BMPR1B: variants seen among roughly 807,000 people sequenced by gnomAD.
BMPR1B encodes the protein bone morphogenetic protein receptor type-1B.
BMPR1B carries 12 observed loss-of-function variants against 59.1 expected under a neutral mutation model. The ratio of observed to expected loss-of-function variants is 0.20; its 90% confidence interval spans 0.13 to 0.33. BMPR1B has a LOEUF of 0.33. BMPR1B is among the 10% of genes least tolerant of loss of function. The pLI, the probability that BMPR1B is intolerant of heterozygous loss-of-function variation, is 1.00. For synonymous variants in BMPR1B, 237 were observed against 207.3 expected (o/e 1.14, Z -1.23); for missense variants, 550 against 610.9 (o/e 0.90, Z 1.05).
At chr4:94,815,122 C>T (rs1723962023) in intron 1 of BMPR1B, among the ~76,000 whole-genome samples, 1 of 152,118 alleles carries the variant, frequency 6.6e-6, no homozygotes. Flanking sequence ...TCAGGCTGGT[C>T]TCAAACTCCT....
At chr4:94,827,208 G>C (rs1424774421) in intron 1 of BMPR1B, among the ~76,000 whole-genome samples, 1 of 152,042 alleles carries the variant, frequency 6.6e-6, no homozygotes, top group Non-Finnish European at 1.5e-5. Context: ...TGCAAGTTTA[G>C]AGTTTTAAGC....
chr4:94,814,699 T>A lies in BMPR1B; in HGVS notation c.-183+56631T>A, dbSNP rs1426212107. 2.0e-5 allele frequency among the ~76,000 whole-genome samples: 3 copies of A among 152,316 alleles called. No homozygotes were observed. The East Asian group carries it at 5.8e-4, about 29-fold the overall frequency. ...AGCTAATGCATAAATGTTGGTGTAT[T>A]TTTATCTGCCATTAAACGTTTGCTA... On this transcript the variant is annotated intron_variant, in intron 1 of 12. Coordinates refer to ENST00000515059, the MANE Select transcript of BMPR1B (RefSeq NM_001203.3).
chr4:94,901,451 C>G (rs80167433), intron 2 of BMPR1B, among the ~76,000 whole-genome samples: 2 of 151,748 alleles, frequency 1.3e-5, no homozygotes, highest in African/African-American at 4.8e-5. Context: ...TGAGAGGGCC[C>G]GAGAGACCGG....
At chr4:94,897,654 T>G (rs1194145005) in intron 2 of BMPR1B, among the ~76,000 whole-genome samples, 1 of 152,050 alleles carries the variant, frequency 6.6e-6, no homozygotes, top group Non-Finnish European at 1.5e-5. Flanking sequence ...ACATAAGGGT[T>G]TTTTTGTTTT....
chr4:95,095,016 T>C (rs944446069), intron 3 of BMPR1B, among the ~76,000 whole-genome samples: 9 of 151,892 alleles, frequency 5.9e-5, no homozygotes, highest in Non-Finnish European at 1.0e-4. Flanking sequence ...TCCCAACTTT[T>C]TATTAATTAT....
intron 2 of BMPR1B, among the ~76,000 whole-genome samples, chr4:94,981,004 C>CGCGCGTGT (rs6148577): frequency 1.5e-4 from 18 of 120,894 alleles, no homozygotes; most frequent in African/African-American, 4.1e-4. Flanking sequence ...CACACACACA[C>CGCGCGTGT]ACACACACAC....
chr4:94,832,168 G>T (rs747300580), intron 1 of BMPR1B, among the ~76,000 whole-genome samples: 1 of 152,060 alleles, frequency 6.6e-6, no homozygotes, highest in Non-Finnish European at 1.5e-5. Flanking sequence ...CATGAAACTG[G>T]TCCCTAGTGC....
intron 2 of BMPR1B, among the ~76,000 whole-genome samples, chr4:94,877,065 C>T (rs1726759016): frequency 6.6e-6 from 1 of 151,900 alleles, no homozygotes; most frequent in Non-Finnish European, 1.5e-5. Flanking sequence ...ATGTTTTTCC[C>T]CTGGCTAAGT....
Position 94,845,626 on chromosome 4 carries a change from G to T in BMPR1B, c.-182-30205G>T, listed in dbSNP as rs138542265. On this transcript the variant is annotated intron_variant, in intron 1 of 12. Coordinates refer to ENST00000515059, the MANE Select transcript of BMPR1B (RefSeq NM_001203.3). ...CAAAGTGCTGGGATTACAGGCGTGA[G>T]CCATCGTGCCTGGCCAACCAAGGAA... 5.9e-3 allele frequency among the ~76,000 whole-genome samples: 899 copies of T among 152,324 alleles called. 15 individuals are homozygous for T. The highest frequency in any genetic ancestry group is 0.056 in the South Asian group (268 of 4,824).
At chr4:95,029,545 T>C (rs1428829839) in intron 3 of BMPR1B, among the ~76,000 whole-genome samples, 2 of 152,188 alleles carry the variant, frequency 1.3e-5, no homozygotes, top group Non-Finnish European at 1.5e-5. Context: ...ATAGTCTTTG[T>C]GGAACTTTGA....
chr4:95,039,666 T>C (rs1398367387), intron 3 of BMPR1B, among the ~76,000 whole-genome samples: 1 of 152,220 alleles, frequency 6.6e-6, no homozygotes, highest in Non-Finnish European at 1.5e-5. Context: ...CACAACCTTG[T>C]TGTCCAGCCC....
chr4:94,788,228 C>A (rs1722834269), intron 1 of BMPR1B, among the ~76,000 whole-genome samples: 1 of 152,124 alleles, frequency 6.6e-6, no homozygotes. Flanking sequence ...GAAGCTGCGA[C>A]CACAATATAT....
At chr4:95,153,717 G>A (rs1049867126) in intron 12 of BMPR1B, among the ~76,000 whole-genome samples, 4 of 152,094 alleles carry the variant, frequency 2.6e-5, no homozygotes, top group African/African-American at 9.7e-5. Context: ...TAGTGTGTTG[G>A]TGCACACCTG....
At chr4:94,788,658 T>G (rs981089671) in intron 1 of BMPR1B, among the ~76,000 whole-genome samples, 4 of 152,250 alleles carry the variant, frequency 2.6e-5, no homozygotes, top group Middle Eastern at 3.4e-3. Context: ...TCTAGGCAAG[T>G]GCAAGTGCAA....
rs1458870366 is a variant in BMPR1B at position 95,130,111 on chromosome 4, T to C, written c.778+57T>C. On this transcript the variant is annotated intron_variant, in intron 9 of 12. Transcript: ENST00000515059. Reference sequence around the variant, plus strand: ...GTTTCCTAGCTTTCCTCTGTCTTTCTGTTAACATCTGCATGTTAACTCATC... The same window carrying C: ...GTTTCCTAGCTTTCCTCTGTCTTTCCGTTAACATCTGCATGTTAACTCATC... The C allele has an allele frequency of 5.7e-6, 9 of 1,572,570 alleles. No homozygotes were observed. The African/African-American group carries it at 8.1e-5, about 14-fold the overall frequency.
chr4:95,069,960 A>G (rs1055741405), intron 3 of BMPR1B, among the ~76,000 whole-genome samples: 1 of 152,124 alleles, frequency 6.6e-6, no homozygotes, highest in African/African-American at 2.4e-5. Context: ...TTAGCCGGGC[A>G]TGGTGGCACA....
intron 3 of BMPR1B, among the ~76,000 whole-genome samples, chr4:95,018,494 A>G (rs2149133436): frequency 6.6e-6 from 1 of 152,314 alleles, no homozygotes; most frequent in Middle Eastern, 3.4e-3. Context: ...TTAACCACAC[A>G]GTACTCTAGT....
chr4:95,033,575 A>G (rs1197123511), intron 3 of BMPR1B, among the ~76,000 whole-genome samples: 1 of 152,112 alleles, frequency 6.6e-6, no homozygotes, highest in East Asian at 1.9e-4. Context: ...TGGTCTTGGC[A>G]TACTTACTCT....
intron 3 of BMPR1B, among the ~76,000 whole-genome samples, chr4:95,035,582 T>C (rs1725180622): frequency 6.6e-6 from 1 of 152,122 alleles, no homozygotes; most frequent in Non-Finnish European, 1.5e-5. Flanking sequence ...TGAAGATCAG[T>C]TGGCTTTAAA....
Sources: gnomAD v4.1 joint callset for allele counts (sites outside exome capture counted in the v4.1 genomes callset) on GRCh38, gnomAD v4.1.1 for gene constraint, MANE v1.5 for transcripts, NCBI Gene and HGNC (gene_info 2026-07-23, HGNC 2026-07-21) for gene names.